PLXNA2: variants seen among roughly 807,000 people sequenced by gnomAD.
PLXNA2 encodes plexin-A2.
A neutral mutation model predicts 193.5 loss-of-function variants in PLXNA2; 91 were observed. The observed-to-expected ratio is 0.47, with a 90% CI of 0.40 to 0.56. The LOEUF (loss-of-function observed/expected upper bound fraction) is 0.56. PLXNA2 is among the 20% of genes least tolerant of loss of function. The probability of loss-of-function intolerance (pLI) is 0.00; values close to 1 mark genes in which losing one functional copy is unlikely to be tolerated. For synonymous variants in PLXNA2, 997 were observed against 1,027.3 expected (o/e 0.97, Z 0.56); for missense variants, 1,995 against 2,503.2 (o/e 0.80, Z 4.33).
At position 208,044,766 on chromosome 1, in the gene PLXNA2, G is replaced by T. The variant is rs747615198; in HGVS notation, c.3640-24C>A. 11 of 1,551,220 alleles carry T rather than the reference G, an allele frequency of 7.1e-6. No homozygotes were observed. The South Asian group carries it at 1.2e-4, about 18-fold the overall frequency. On this transcript the variant is annotated intron_variant, in intron 19 of 31. Transcript: ENST00000367033. The surrounding 1 kb of genome is among the most constrained non-coding windows in gnomAD (Gnocchi z 4.9). Reference sequence around the variant, plus strand: ...ACCTGTGCATTGTACACATACAGACGCACATGGATGCACACAGGTGTAGAG... The same window carrying T: ...ACCTGTGCATTGTACACATACAGACTCACATGGATGCACACAGGTGTAGAG...
At chr1:208,131,986 G>A (rs1284758143) in intron 4 of PLXNA2, among the ~76,000 whole-genome samples, 3 of 152,076 alleles carry the variant, frequency 2.0e-5, no homozygotes, top group Non-Finnish European at 2.9e-5. Flanking sequence ...TTTGTCAAAC[G>A]GGGGAGATAA....
intron 3 of PLXNA2, among the ~76,000 whole-genome samples, chr1:208,196,958 C>G (rs1362616351): frequency 6.6e-6 from 1 of 152,084 alleles, no homozygotes; most frequent in Non-Finnish European, 1.5e-5. Flanking sequence ...GTGTACTAGA[C>G]CTGTGCTAAG....
At chr1:208,040,528 G>T (rs1023219789) in intron 22 of PLXNA2, among the ~76,000 whole-genome samples, 7 of 152,262 alleles carry the variant, frequency 4.6e-5, no homozygotes, top group East Asian at 3.9e-4. Flanking sequence ...AACACTCAAG[G>T]TTAGACTTCC....
intron 1 of PLXNA2, among the ~76,000 whole-genome samples, chr1:208,243,149 CGGAA>C (rs1679345203): frequency 6.6e-6 from 1 of 152,146 alleles, no homozygotes; most frequent in Non-Finnish European, 1.5e-5. Context: ...AGTCCCCGAT[CGGAA>C]GGGAGAGCCG....
At chr1:208,121,662 T>G (rs1667810655) in intron 4 of PLXNA2, among the ~76,000 whole-genome samples, 1 of 151,998 alleles carries the variant, frequency 6.6e-6, no homozygotes, top group Non-Finnish European at 1.5e-5. Flanking sequence ...GAACTGTGAG[T>G]CAATTAAACC....
chr1:208,041,770 T>C (rs1191274019), intron 22 of PLXNA2, among the ~76,000 whole-genome samples: 1 of 152,176 alleles, frequency 6.6e-6, no homozygotes, highest in East Asian at 1.9e-4. Context: ...TCTCATTTTG[T>C]CTAGGAGGAA....
chr1:208,034,103 T>C (rs1664595504), intron 27 of PLXNA2, among the ~76,000 whole-genome samples: 1 of 152,234 alleles, frequency 6.6e-6, no homozygotes, highest in South Asian at 2.1e-4. Flanking sequence ...CTCGGACTAA[T>C]TTATTGATCA....
At chr1:208,191,944 G>A (rs1017607146) in intron 3 of PLXNA2, among the ~76,000 whole-genome samples, 2 of 152,194 alleles carry the variant, frequency 1.3e-5, no homozygotes, top group Admixed American at 1.3e-4. Flanking sequence ...GTCAGGGTCA[G>A]GGATCCACGA....
chr1:208,142,579 C>A, intron 3 of PLXNA2, 116 bp from the exon 4 acceptor site: 1 of 966,662 alleles, frequency 1.0e-6, no homozygotes, highest in Non-Finnish European at 1.5e-6. Flanking sequence ...CCAGTCACTA[C>A]TCCATAGACT....
At chr1:208,083,248 C>G (rs1449062361) in intron 10 of PLXNA2, among the ~76,000 whole-genome samples, 1 of 152,180 alleles carries the variant, frequency 6.6e-6, no homozygotes, top group African/African-American at 2.4e-5. Context: ...CGTTAAAGTC[C>G]TCTAGCTGTG....
intron 4 of PLXNA2, among the ~76,000 whole-genome samples, chr1:208,137,832 G>A (rs1482251373): frequency 6.6e-6 from 1 of 152,128 alleles, no homozygotes; most frequent in African/African-American, 2.4e-5. Flanking sequence ...GATTGTTCTA[G>A]CTCTGTGGGG....
chr1:208,187,684 A>C (rs1351131596), intron 3 of PLXNA2, among the ~76,000 whole-genome samples: 1 of 152,204 alleles, frequency 6.6e-6, no homozygotes. Context: ...TACTGTTAGC[A>C]CAATGACCAG....
chr1:208,238,490 G>A (rs760679552), intron 1 of PLXNA2, among the ~76,000 whole-genome samples: 2 of 152,118 alleles, frequency 1.3e-5, no homozygotes, highest in Non-Finnish European at 2.9e-5. Context: ...TGGAAGAGAC[G>A]GGGCTAAGCT....
chr1:208,048,718 G>A (rs1373136621), intron 17 of PLXNA2, among the ~76,000 whole-genome samples: 2 of 152,190 alleles, frequency 1.3e-5, no homozygotes, highest in Non-Finnish European at 2.9e-5. Flanking sequence ...CTCTTCAATG[G>A]CTTCCTGAGG....
chr1:208,083,886 C>G (rs1456175941), intron 10 of PLXNA2, among the ~76,000 whole-genome samples: 1 of 151,796 alleles, frequency 6.6e-6, no homozygotes, highest in Non-Finnish European at 1.5e-5. Context: ...GCCTGTGGAG[C>G]ACCCTCCTGG....
At chr1:208,059,745 A>G (rs1432319066) in intron 13 of PLXNA2, among the ~76,000 whole-genome samples, 1 of 152,218 alleles carries the variant, frequency 6.6e-6, no homozygotes. Context: ...TACCTCTCAG[A>G]GTCCTTACCA....
Position 208,241,521 on chromosome 1 carries a change from C to A in PLXNA2, c.-81+2122G>T, listed in dbSNP as rs61813760. The stretch of plus-strand genomic sequence containing the variant: ...GCTTTGAGGGACCCCTGTCCTTATG[C>A]CCTGCCAAAAAGAAGGACCAGCTGG... On this transcript the variant is annotated intron_variant, in intron 1 of 31. Coordinates refer to ENST00000367033, the MANE Select transcript of PLXNA2 (RefSeq NM_025179.4). Among the ~76,000 whole-genome samples the A allele has an allele frequency of 3.3e-3, 510 of 152,310 alleles. 3 individuals are homozygous for A. Among genetic ancestry groups the A allele is most frequent in the South Asian group, 5.2e-3 (25 of 4,826 alleles).
At position 208,134,009 on chromosome 1, in the gene PLXNA2, T is replaced by A. The variant is rs1036149680; in HGVS notation, c.1506+8320A>T. 2.6e-5 allele frequency among the ~76,000 whole-genome samples: 4 copies of A among 152,258 alleles called. No individual in the cohort carries two copies. The East Asian group carries it at 5.8e-4, about 22-fold the overall frequency. On this transcript the variant is annotated intron_variant, in intron 4 of 31. Coordinates refer to ENST00000367033, the MANE Select transcript of PLXNA2 (RefSeq NM_025179.4). ...TACCTATCTAGAAAGAAAAATCAAA[T>A]CCCTCATCAAGGATTAGAGAGTCTC...
chr1:208,242,234 T>G (rs971023033), intron 1 of PLXNA2, among the ~76,000 whole-genome samples: 1 of 151,968 alleles, frequency 6.6e-6, no homozygotes, highest in African/African-American at 2.4e-5. Context: ...AGAGTGAAGT[T>G]TCAAGATCTG....
Sources: allele counts gnomAD v4.1 joint callset (sites outside exome capture counted in the v4.1 genomes callset), GRCh38; gene constraint gnomAD v4.1.1; non-coding constraint Gnocchi (gnomAD v3.1); transcripts MANE v1.5; gene names NCBI Gene and HGNC (gene_info 2026-07-23, HGNC 2026-07-21).